The following RBFOX1 variants were observed in gnomAD, a reference collection of about 807,000 sequenced individuals.
RBFOX1 encodes RNA binding fox-1 homolog 1, also known as RNA binding protein fox-1 homolog 1.
In RBFOX1, 8 loss-of-function variants were observed where a neutral mutation model predicts 57.7. The observed-to-expected ratio is 0.14, with a 90% CI of 0.08 to 0.25. The LOEUF is 0.25. Ranked by LOEUF, RBFOX1 falls within the 10% of genes least tolerant of loss-of-function variation. The probability of loss-of-function intolerance (pLI) is 1.00; values close to 1 mark genes in which losing one functional copy is unlikely to be tolerated. For missense variants in RBFOX1, 611 were observed against 548.5 expected (o/e 1.11, Z -1.14); for synonymous variants, 326 against 222.4 (o/e 1.47, Z -4.15).
At chr16:7,218,533 T>G (rs1482358653) in intron 4 of RBFOX1, among the ~76,000 whole-genome samples, 1 of 152,114 alleles carries the variant, frequency 6.6e-6, no homozygotes, top group Non-Finnish European at 1.5e-5. Context: ...TTTACCAGCA[T>G]TCACAGTAAT....
intron 2 of RBFOX1, among the ~76,000 whole-genome samples, chr16:6,541,941 T>A (rs1024353911): frequency 2.7e-5 from 4 of 150,058 alleles, no homozygotes; most frequent in African/African-American, 1.0e-4. Flanking sequence ...GATTTACATC[T>A]CCCCCTTTTT....
At chr16:5,576,197 G>C (rs1191809021) in intron 2 of RBFOX1, among the ~76,000 whole-genome samples, 1 of 152,118 alleles carries the variant, frequency 6.6e-6, no homozygotes, top group African/African-American at 2.4e-5. Flanking sequence ...TTGTTGATCA[G>C]GCTGTTCTCA....
At chr16:5,325,531 T>C (rs1201263481) in intron 1 of RBFOX1, among the ~76,000 whole-genome samples, 1 of 152,188 alleles carries the variant, frequency 6.6e-6, no homozygotes, top group Non-Finnish European at 1.5e-5. Context: ...TCTATCACTA[T>C]AGTCAGGGTA....
intron 4 of RBFOX1, among the ~76,000 whole-genome samples, chr16:7,464,533 C>A (rs1442250113): frequency 1.3e-5 from 2 of 152,000 alleles, no homozygotes; most frequent in African/African-American, 4.8e-5. Flanking sequence ...GTAATTTCAC[C>A]CCTTTCAGGG....
In RBFOX1 at chr16:5,745,332, C is replaced by T. The variant is rs188123725; in HGVS notation, c.319-121971C>T. On this transcript the variant is annotated intron_variant, in intron 3 of 19. Coordinates refer to the RBFOX1 transcript ENST00000641259. ...GTATATGTGCCACAATTTCTTAATC[C>T]GGTCTATCATTGATGGACATTTGGG... Among the ~76,000 whole-genome samples, 188 of 152,264 alleles carry T rather than the reference C, an allele frequency of 1.2e-3. 2 individuals are homozygous for T. The highest frequency in any genetic ancestry group is 9.6e-3 in the Admixed American group (147 of 15,292).
chr16:7,059,207 C>T (rs1037626026), intron 4 of RBFOX1, among the ~76,000 whole-genome samples: 2 of 152,142 alleles, frequency 1.3e-5, no homozygotes, highest in African/African-American at 4.8e-5. Flanking sequence ...GTGTCTCACC[C>T]CTCTCCACTT....
At chr16:5,487,542 G>T (rs79464877) in intron 2 of RBFOX1, among the ~76,000 whole-genome samples, 1,871 of 152,292 alleles carry the variant, frequency 0.012, 17 homozygotes, top group Non-Finnish European at 0.019. Context: ...GTTGGTCTTG[G>T]TCTCTGTTCT....
rs1598545270 is a variant in RBFOX1, at chr16:6,226,341, C to A, written c.-126-90654C>A. ...TGAGCCAAAATCATGCCATTGCACT[C>A]CAGCCTCGGCAACAAGAGTGAAACT... On this transcript the variant is annotated intron_variant, in intron 1 of 15. Coordinates refer to ENST00000550418, the MANE Select transcript of RBFOX1 (RefSeq NM_018723.4). 2.1e-5 allele frequency among the ~76,000 whole-genome samples: 3 copies of A among 140,872 alleles called. No individual in the cohort carries two copies. The East Asian group carries it at 6.2e-4, about 29-fold the overall frequency. The allele number at this position is 140,872 out of a possible 152,430, so 92.4% of individuals were successfully genotyped here.
At chr16:6,305,457 A>G (rs748711315) in intron 1 of RBFOX1, among the ~76,000 whole-genome samples, 12 of 151,998 alleles carry the variant, frequency 7.9e-5, no homozygotes, top group African/African-American at 1.2e-4. Flanking sequence ...TGCTATTGGC[A>G]TTGTCTTTAT....
chr16:7,403,836 A>G (rs4786161), intron 4 of RBFOX1, among the ~76,000 whole-genome samples: 118,028 of 151,656 alleles, frequency 0.78, 46,344 homozygotes, highest in Non-Finnish European at 0.83. Context: ...GTGAGCCACC[A>G]TGCCGGGGCT....
At chr16:5,856,906 C>T (rs2057086630) in intron 3 of RBFOX1, among the ~76,000 whole-genome samples, 1 of 152,050 alleles carries the variant, frequency 6.6e-6, no homozygotes, top group Admixed American at 6.6e-5. Context: ...CTTATCATTC[C>T]TGTGTTCACT....
intron 3 of RBFOX1, among the ~76,000 whole-genome samples, chr16:6,898,071 C>A (rs1007691178): frequency 1.3e-5 from 2 of 152,184 alleles, no homozygotes; most frequent in African/African-American, 4.8e-5. Context: ...TGATACTTGG[C>A]AGTTATTTCA....
intron 4 of RBFOX1, among the ~76,000 whole-genome samples, chr16:5,959,888 C>G (rs897202101): frequency 1.3e-5 from 2 of 152,118 alleles, no homozygotes; most frequent in Non-Finnish European, 2.9e-5. Context: ...ATCCAGCTAC[C>G]AACAAGTGTT....
intron 4 of RBFOX1, among the ~76,000 whole-genome samples, chr16:7,242,160 C>G (rs560750500): frequency 6.6e-6 from 1 of 152,060 alleles, no homozygotes; most frequent in East Asian, 1.9e-4. Context: ...ACAGAGAAAC[C>G]CATATATGTG....
chr16:6,233,641 C>T lies in RBFOX1; in HGVS notation c.-126-83354C>T, dbSNP rs577577811. On this transcript the variant is annotated intron_variant, in intron 1 of 15. Transcript: ENST00000550418. ...TTTTTATCAAAGAAATGGGGTCTCACTGTGCCACCCAGCCTGGAGCACAGT... is the reference window on the plus strand; with the variant it reads ...TTTTTATCAAAGAAATGGGGTCTCATTGTGCCACCCAGCCTGGAGCACAGT... Among the ~76,000 whole-genome samples, 3 of 152,236 alleles carry T rather than the reference C, an allele frequency of 2.0e-5. No individual in the cohort carries two copies. The South Asian group carries it at 6.2e-4, about 32-fold the overall frequency.
chr16:5,407,749 G>C (rs139899448), intron 1 of RBFOX1, among the ~76,000 whole-genome samples: 24 of 152,230 alleles, frequency 1.6e-4, no homozygotes, highest in African/African-American at 5.5e-4. Flanking sequence ...GGGTTTCACT[G>C]TGTTGGCCAG....
intron 3 of RBFOX1, among the ~76,000 whole-genome samples, chr16:6,877,683 A>G (rs369707234): frequency 2.0e-5 from 3 of 152,182 alleles, no homozygotes; most frequent in African/African-American, 4.8e-5. Flanking sequence ...AAGGATTGCT[A>G]TTCTCTGTGT....
chr16:5,967,485 G>A (rs980508104), intron 4 of RBFOX1, among the ~76,000 whole-genome samples: 1 of 152,110 alleles, frequency 6.6e-6, no homozygotes, highest in African/African-American at 2.4e-5. Flanking sequence ...GATATTTTAT[G>A]ACCATAATCT....
At chr16:5,264,680 G>C (rs1420956617) in intron 1 of RBFOX1, among the ~76,000 whole-genome samples, 1 of 152,150 alleles carries the variant, frequency 6.6e-6, no homozygotes, top group Non-Finnish European at 1.5e-5. Flanking sequence ...CCTGTGATGG[G>C]GGAGGGGATG....
Sources: gnomAD v4.1 joint callset for allele counts (sites outside exome capture counted in the v4.1 genomes callset) on GRCh38, gnomAD v4.1.1 for gene constraint, MANE v1.5 for transcripts, NCBI Gene and HGNC (gene_info 2026-07-23, HGNC 2026-07-21) for gene names.